CPNE3: variants seen among roughly 807,000 people sequenced by gnomAD.
The protein encoded by CPNE3 is copine-3.
A neutral mutation model predicts 63.9 loss-of-function variants in CPNE3; 68 were observed. The ratio of observed to expected loss-of-function variants is 1.06; its 90% CI spans 0.87 to 1.30. The LOEUF is 1.30. Ranked by LOEUF, CPNE3 falls within the 50% of genes most tolerant of loss-of-function variation. The pLI, the probability that CPNE3 is intolerant of heterozygous loss-of-function variation, is 0.00. For missense variants in CPNE3, 665 were observed against 578.1 expected, an observed-to-expected ratio of 1.15 and a Z score of -1.54; for synonymous variants, 219 against 197.5, an observed-to-expected ratio of 1.11 and a Z score of -0.91.
chr8:86,528,510 C>T (rs1489014713), intron 2 of CPNE3, 26 bp from the exon 3 acceptor site: 2 of 1,609,948 alleles, frequency 1.2e-6, no homozygotes, highest in African/African-American at 2.7e-5. Flanking sequence ...GTTTTACTTG[C>T]TTTCTCTTTT....
rs896949364 is a variant in CPNE3 at position 86,559,356 on chromosome 8, A to G, written c.*946A>G. The G allele has an allele frequency of 6.6e-6, 1 of 151,778 alleles. No individual in the cohort carries two copies. The highest frequency in any genetic ancestry group is 2.4e-5 in the African/African-American group (1 of 41,348). The allele number at this position is 151,778 out of a possible 1,614,324, so 9.4% of individuals were successfully genotyped here. A position where few individuals can be genotyped will look rare whatever the true frequency, so the allele number is the denominator to read the frequency against. ...TCTAACTAATGAAAAACTGCTTACTAAAAAAAAATTTTATACTTTCCTTGC... is the reference window on the plus strand; with the variant it reads ...TCTAACTAATGAAAAACTGCTTACTGAAAAAAAATTTTATACTTTCCTTGC... On this transcript the variant is annotated 3_prime_UTR_variant, in exon 17 of 17. Transcript: ENST00000517490.
chr8:86,516,573 A>G (rs1820315972), intron 2 of CPNE3, among the ~76,000 whole-genome samples: 2 of 152,114 alleles, frequency 1.3e-5, no homozygotes, highest in Admixed American at 6.6e-5. Context: ...ATTTTATAAT[A>G]AAGATGAGAT....
In CPNE3 at chr8:86,554,940, G is replaced by C. The variant is rs148215511; in HGVS notation, c.1210G>C (p.Val404Leu). 1 of 1,614,054 alleles carries C rather than the reference G, an allele frequency of 6.2e-7. No individual in the cohort carries two copies. Among genetic ancestry groups the C allele is most frequent in the Non-Finnish European group, 8.5e-7 (1 of 1,180,002 alleles). ...TAATTTTTCTCCAATCATAAATCACGTGGCCAGGTTTGCTGCTGCAGCCAC... is the reference window on the plus strand; with the variant it reads ...TAATTTTTCTCCAATCATAAATCACCTGGCCAGGTTTGCTGCTGCAGCCAC... Reference protein sequence around the residue: ...PTNFSPIINHVARFAAAATQQ... With the variant: ...PTNFSPIINHLARFAAAATQQ... Residue 404 changes from valine to leucine, a missense_variant, in exon 15 of 17, where the codon GTG (valine) becomes CTG (leucine). Transcript: ENST00000517490.
At position 86,552,837 on chromosome 8, in the gene CPNE3, AT is replaced by A. The variant is rs531932518; in HGVS notation, c.1120+1621del. 6.9e-3 allele frequency among the ~76,000 whole-genome samples: 800 copies of A among 116,472 alleles called. 5 individuals carry two copies. The highest frequency in any genetic ancestry group is 0.02 in the African/African-American group (633 of 32,398). The allele number at this position is 116,472 out of a possible 152,430, so 76.4% of individuals were successfully genotyped here. ...TGTGAAGAAATTATTATTATTATTA[AT>A]TTTTTTTTTTTTTTTTTCGAGACGA... is the stretch of plus-strand genomic sequence containing the variant. On this transcript the variant is annotated intron_variant, in intron 14 of 16. Coordinates refer to ENST00000517490, the MANE Select transcript of CPNE3 (RefSeq NM_003909.5).
At chr8:86,551,287 T>C (rs1177519386) in intron 14 of CPNE3, 53 bp downstream of exon 14, 2 of 1,205,270 alleles carry the variant, frequency 1.7e-6, no homozygotes, top group African/African-American at 3.0e-5. Context: ...CACTAGTCTT[T>C]GTTATTTTGT....
In CPNE3 at chr8:86,531,138, C is replaced by G; in HGVS notation, c.313-17C>G. ...GTTGAAGGGAAATGACTCTGTATCA[C>G]TTTCTAATTCTAACAGATTGTTTCC... On this transcript the variant is annotated splice_polypyrimidine_tract_variant and intron_variant, in intron 4 of 16. Coordinates refer to ENST00000517490, the MANE Select transcript of CPNE3 (RefSeq NM_003909.5). 1 of 1,030,022 alleles carries G rather than the reference C, an allele frequency of 9.7e-7. No homozygotes were observed. The highest frequency in any genetic ancestry group is 1.3e-5 in the South Asian group (1 of 79,498). 63.8% of individuals were successfully genotyped at this position (1,030,022 alleles called of 1,614,324 possible).
At position 86,554,917 on chromosome 8, in the gene CPNE3, A is replaced by G. The variant is rs1395422453; in HGVS notation, c.1187A>G (p.Asn396Ser). The change falls in exon 15 of 17, where the codon AAT becomes AGT. Residue 396 changes from asparagine to serine, a missense_variant. Physicochemically the swap from Asn to Ser is conservative, Grantham distance 46. Coordinates refer to ENST00000517490, the MANE Select transcript of CPNE3 (RefSeq NM_003909.5). The stretch of plus-strand genomic sequence containing the variant: ...CAGATAAAACTCTATGGACCAACTA[A>G]TTTTTCTCCAATCATAAATCACGTG... ...LPQIKLYGPT[N>S]FSPIINHVAR... 6.2e-7 allele frequency: 1 copy of G among 1,613,960 alleles called. No homozygotes were observed. Among genetic ancestry groups the G allele is most frequent in the Non-Finnish European group, 8.5e-7 (1 of 1,180,006 alleles).
intron 12 of CPNE3, 139 bp from the exon 13 acceptor site, chr8:86,550,907 C>T (rs1309238787): frequency 3.8e-6 from 3 of 785,728 alleles, no homozygotes; most frequent in Non-Finnish European, 5.7e-6. Flanking sequence ...CATTGATTCT[C>T]TTTGGCAGTT....
chr8:86,559,976 C>G lies in CPNE3; in HGVS notation c.*1566C>G, dbSNP rs947976317. 2 of 152,194 alleles carry G rather than the reference C, an allele frequency of 1.3e-5. No individual in the cohort carries two copies. Among genetic ancestry groups the G allele is most frequent in the African/African-American group, 4.8e-5 (2 of 41,456 alleles). The allele number at this position is 152,194 out of a possible 1,614,324, so 9.4% of individuals were successfully genotyped here. ...TAGCTGTGGCTTCTCAGAAGCAGCTCATTGCCAAGGCCAGGCTGAGAGGGG... is the reference window on the plus strand; with the variant it reads ...TAGCTGTGGCTTCTCAGAAGCAGCTGATTGCCAAGGCCAGGCTGAGAGGGG... On this transcript the variant is annotated 3_prime_UTR_variant, in exon 17 of 17. Coordinates refer to ENST00000517490, the MANE Select transcript of CPNE3 (RefSeq NM_003909.5).
chr8:86,522,929 A>G (rs1051051191), intron 2 of CPNE3, among the ~76,000 whole-genome samples: 3 of 152,284 alleles, frequency 2.0e-5, no homozygotes, highest in Admixed American at 6.5e-5. Flanking sequence ...TCACCTGCGT[A>G]CCTTATCTAT....
At position 86,554,959 on chromosome 8, in the gene CPNE3, C is replaced by T. The variant is rs373020571; in HGVS notation, c.1229C>T (p.Ala410Val). Residue 410 changes from alanine to valine, a missense_variant, in exon 15 of 17, where the codon GCA (alanine) becomes GTA (valine). Ala to Val is a moderately conservative substitution (Grantham distance 64). Transcript: ENST00000517490. ...IINHVARFAA[A>V]ATQQQTASQY... ...AATCACGTGGCCAGGTTTGCTGCTG[C>T]AGCCACGCAACAGCAGACAGCTTCT... 3 of 1,614,034 alleles carry T rather than the reference C, an allele frequency of 1.9e-6. No individual in the cohort carries two copies. The highest frequency in any genetic ancestry group is 2.7e-5 in the African/African-American group (2 of 74,930).
In CPNE3 at chr8:86,532,493, C is replaced by A. The variant is rs1820704221; in HGVS notation, c.388-16C>A. ...CCTAAAACATATTTTCTTTCACTTA[C>A]CTGATCTACTCATAGATTTCAGCTG... On this transcript the variant is annotated splice_polypyrimidine_tract_variant and intron_variant, in intron 5 of 16. Coordinates refer to ENST00000517490, the MANE Select transcript of CPNE3 (RefSeq NM_003909.5). 1 of 1,597,084 alleles carries A rather than the reference C, an allele frequency of 6.3e-7. No individual in the cohort carries two copies. Among genetic ancestry groups the A allele is most frequent in the Non-Finnish European group, 8.5e-7 (1 of 1,170,862 alleles).
intron 1 of CPNE3, among the ~76,000 whole-genome samples, chr8:86,514,991 C>T (rs897161509): frequency 2.0e-5 from 3 of 152,198 alleles, no homozygotes; most frequent in African/African-American, 7.2e-5. Context: ...CACACCACGT[C>T]CGTGGTGAAG....
intron 2 of CPNE3, among the ~76,000 whole-genome samples, chr8:86,523,451 A>G (rs1274384740): frequency 3.9e-5 from 6 of 152,218 alleles, no homozygotes; most frequent in Admixed American, 2.0e-4. Flanking sequence ...CACAGTTCAC[A>G]GTATATAGAC....
Position 86,554,304 on chromosome 8 carries a change from C to T in CPNE3, c.1121-547C>T, listed in dbSNP as rs566483718. On this transcript the variant is annotated intron_variant, in intron 14 of 16. Transcript: ENST00000517490. Reference sequence around the variant, plus strand: ...CTTCTGCAGCAAAATGGATAAGTAACCTGGAAGTGAATATTTGGAACTAAT... The same window carrying T: ...CTTCTGCAGCAAAATGGATAAGTAATCTGGAAGTGAATATTTGGAACTAAT... 1.1e-4 allele frequency among the ~76,000 whole-genome samples: 17 copies of T among 152,220 alleles called. No homozygotes were observed. In the South Asian group the frequency reaches 3.3e-3, roughly 30 times the overall value.
intron 7 of CPNE3, 49 bp from the exon 8 acceptor site, chr8:86,540,196 A>G: frequency 8.8e-7 from 1 of 1,135,160 alleles, no homozygotes; most frequent in Non-Finnish European, 1.3e-6. Context: ...GCAAAATGTT[A>G]ATGAACTGGA....
At chr8:86,542,031 C>A (rs955388647) in intron 8 of CPNE3, among the ~76,000 whole-genome samples, 3 of 152,050 alleles carry the variant, frequency 2.0e-5, no homozygotes, top group Admixed American at 6.6e-5. Context: ...ATCTTTTAAA[C>A]TTTTTTGCTC....
intron 2 of CPNE3, among the ~76,000 whole-genome samples, chr8:86,520,919 C>A (rs770146550): frequency 2.0e-5 from 3 of 152,058 alleles, no homozygotes; most frequent in Non-Finnish European, 4.4e-5. Flanking sequence ...CTTTTGACAC[C>A]TGATCCAGTG....
chr8:86,542,945 T>C (rs1208029855), intron 8 of CPNE3, among the ~76,000 whole-genome samples: 1 of 152,124 alleles, frequency 6.6e-6, no homozygotes, highest in African/African-American at 2.4e-5. Flanking sequence ...AATAAAATCT[T>C]GGCCTTGTCA....
Sources: gnomAD v4.1 joint callset for allele counts (sites outside exome capture counted in the v4.1 genomes callset) on GRCh38, gnomAD v4.1.1 for gene constraint, MANE v1.5 for transcripts, NCBI Gene and HGNC (gene_info 2026-07-23, HGNC 2026-07-21) for gene names.